Variants in PCCA observed in about 807,000 individuals in gnomAD.
PCCA encodes the protein propionyl-CoA carboxylase alpha chain, mitochondrial.
A neutral mutation model predicts 101.3 loss-of-function variants in PCCA; 74 were observed. The ratio of observed to expected loss-of-function variants is 0.73; its 90% CI spans 0.61 to 0.89. The LOEUF is 0.89. Ranked by LOEUF, PCCA falls within the 40% of genes least tolerant of loss-of-function variation. PCCA has a pLI of 0.00. For missense variants in PCCA, 891 were observed against 907.0 expected (o/e 0.98, Z 0.23); for synonymous variants, 294 against 313.6 (o/e 0.94, Z 0.66).
chr13:100,232,092 T>TAGAA (rs1343387556), intron 7 of PCCA, among the ~76,000 whole-genome samples: 5 of 152,216 alleles, frequency 3.3e-5, no homozygotes, highest in African/African-American at 1.2e-4. Flanking sequence ...TTGCCTTGTA[T>TAGAA]AGAACCAAGG....
chr13:100,416,190 G>GTTTT (rs1292129478), intron 19 of PCCA, among the ~76,000 whole-genome samples: 1 of 144,732 alleles, frequency 6.9e-6, no homozygotes, highest in African/African-American at 2.5e-5. Context: ...ATAAATCATG[G>GTTTT]TTTTTTTTTT....
intron 17 of PCCA, among the ~76,000 whole-genome samples, chr13:100,332,102 C>G (rs2069703678): frequency 6.6e-6 from 1 of 152,000 alleles, no homozygotes; most frequent in Non-Finnish European, 1.5e-5. Flanking sequence ...CTACCCCCAG[C>G]TAATTTTTAT....
At chr13:100,156,182 C>G (rs1246364783) in intron 5 of PCCA, among the ~76,000 whole-genome samples, 1 of 152,138 alleles carries the variant, frequency 6.6e-6, no homozygotes, top group East Asian at 1.9e-4. Flanking sequence ...GATTCTCTTG[C>G]CTCAGCCTCC....
At chr13:100,099,872 A>G (rs1042173668) in intron 1 of PCCA, among the ~76,000 whole-genome samples, 8 of 152,292 alleles carry the variant, frequency 5.3e-5, no homozygotes, top group East Asian at 1.9e-4. Context: ...GTACAAATGA[A>G]GAAACTTTCT....
At chr13:100,429,609 GTAT>G (rs1240720642) in intron 20 of PCCA, among the ~76,000 whole-genome samples, 2 of 151,470 alleles carry the variant, frequency 1.3e-5, no homozygotes, top group African/African-American at 4.9e-5. Context: ...AAAATAATAT[GTAT>G]TATTATTATT....
chr13:100,098,933 C>A (rs1397150520), intron 1 of PCCA, among the ~76,000 whole-genome samples: 1 of 152,120 alleles, frequency 6.6e-6, no homozygotes, highest in Non-Finnish European at 1.5e-5. Flanking sequence ...CAGAGAAGGG[C>A]ATGGGCTCTG....
At chr13:100,246,738 T>C (rs1313410799) in intron 8 of PCCA, among the ~76,000 whole-genome samples, 4 of 152,132 alleles carry the variant, frequency 2.6e-5, no homozygotes, top group African/African-American at 9.7e-5. Context: ...TAAAAATCTT[T>C]CAGATTTGAT....
Position 100,158,071 on chromosome 13 carries a change from A to G in PCCA, c.468+731A>G, listed in dbSNP as rs939451615. On this transcript the variant is annotated intron_variant, in intron 6 of 23. Coordinates refer to ENST00000376285, the MANE Select transcript of PCCA (RefSeq NM_000282.4). ...GTCTACTTACAGAAATCTACATGGT[A>G]GAGTCTCCCACACACTTAGGCTAAG... Among the ~76,000 whole-genome samples, 5 of 152,210 alleles carry G rather than the reference A, an allele frequency of 3.3e-5. No homozygotes were observed. In the South Asian group the frequency reaches 1.0e-3, roughly 32 times the overall value.
chr13:100,173,217 G>A (rs2055880568), intron 6 of PCCA, among the ~76,000 whole-genome samples: 1 of 152,210 alleles, frequency 6.6e-6, no homozygotes, highest in Non-Finnish European at 1.5e-5. Context: ...AGTGGAAGCA[G>A]CAGTGGTGAT....
intron 15 of PCCA, among the ~76,000 whole-genome samples, chr13:100,309,467 T>G (rs1014930078): frequency 2.0e-5 from 3 of 152,054 alleles, no homozygotes; most frequent in African/African-American, 7.2e-5. Context: ...CACAGAAAAA[T>G]AGGGAAAAAA....
In PCCA at chr13:100,190,197, C is replaced by T. The variant is rs143552055; in HGVS notation, c.469-19135C>T. 1.2e-3 allele frequency among the ~76,000 whole-genome samples: 179 copies of T among 152,228 alleles called. 1 individual carries two copies. The highest frequency in any genetic ancestry group is 4.1e-3 in the African/African-American group (169 of 41,540). On this transcript the variant is annotated intron_variant, in intron 6 of 23. Transcript: ENST00000376285. ...TGAAATGTTATCTGAAGATCACGCA[C>T]GTAATCTTTGATGGCTGTTATTGCG...
intron 19 of PCCA, among the ~76,000 whole-genome samples, chr13:100,395,763 A>G (rs1328504896): frequency 2.6e-5 from 4 of 152,214 alleles, no homozygotes; most frequent in East Asian, 1.9e-4. Context: ...TGGTAGAAAT[A>G]TAGAATCTCA....
chr13:100,280,012 G>GTTTTTTTTTTTTTTTT (rs10543745), intron 12 of PCCA, among the ~76,000 whole-genome samples: 2 of 140,202 alleles, frequency 1.4e-5, no homozygotes, highest in South Asian at 2.3e-4. Flanking sequence ...TTTTGTTTTT[G>GTTTTTTTTTTTTTTTT]TTTTTTTTTT....
intron 12 of PCCA, among the ~76,000 whole-genome samples, chr13:100,294,202 A>T (rs1165971045): frequency 6.6e-6 from 1 of 152,008 alleles, no homozygotes; most frequent in African/African-American, 2.4e-5. Flanking sequence ...TTCTCTTATG[A>T]GGATACCAGT....
intron 16 of PCCA, among the ~76,000 whole-genome samples, chr13:100,328,640 T>A (rs2069038031): frequency 6.6e-6 from 1 of 150,892 alleles, no homozygotes; most frequent in South Asian, 2.1e-4. Flanking sequence ...TTGTGATTCA[T>A]TTGGAGTTAA....
intron 19 of PCCA, among the ~76,000 whole-genome samples, chr13:100,421,019 C>T (rs147723043): frequency 1.3e-3 from 196 of 152,206 alleles, no homozygotes; most frequent in African/African-American, 4.4e-3. Context: ...CCAGCCTGGC[C>T]AACATGGTGA....
intron 6 of PCCA, among the ~76,000 whole-genome samples, chr13:100,184,958 A>G (rs537728507): frequency 6.6e-6 from 1 of 152,358 alleles, no homozygotes; most frequent in South Asian, 2.1e-4. Context: ...CTATCTGTTT[A>G]GAATATTTAC....
chr13:100,254,243 C>T (rs2061938175), intron 8 of PCCA, among the ~76,000 whole-genome samples: 1 of 152,160 alleles, frequency 6.6e-6, no homozygotes, highest in African/African-American at 2.4e-5. Flanking sequence ...CGCCAGGTCC[C>T]TCCCACAGCA....
chr13:100,234,504 T>A (rs2060668729), intron 7 of PCCA, among the ~76,000 whole-genome samples: 1 of 151,248 alleles, frequency 6.6e-6, no homozygotes, highest in African/African-American at 2.4e-5. Context: ...TTAAAACTGA[T>A]GTCGCTTTCA....
Sources: allele counts gnomAD v4.1 joint callset (sites outside exome capture counted in the v4.1 genomes callset), GRCh38; gene constraint gnomAD v4.1.1; transcripts MANE v1.5; gene names NCBI Gene and HGNC (gene_info 2026-07-23, HGNC 2026-07-21).